Variants in LARGE1 observed in about 807,000 individuals in gnomAD.
LARGE1 encodes xylosyl- and glucuronyltransferase LARGE1.
A neutral mutation model predicts 87.6 loss-of-function variants in LARGE1; 43 were observed. The ratio of observed to expected loss-of-function variants is 0.49; its 90% confidence interval spans 0.38 to 0.63. The LOEUF (loss-of-function observed/expected upper bound fraction) is 0.63. Among genes scored for constraint, LARGE1 ranks in the 30% least tolerant of loss-of-function variants. LARGE1 has a pLI of 0.00. For missense variants in LARGE1, 802 were observed against 1,000.2 expected, an observed-to-expected ratio of 0.80 and a Z score of 2.67; for synonymous variants, 434 against 394.6, an observed-to-expected ratio of 1.10 and a Z score of -1.18.
At chr22:33,094,478 C>T in the LARGE1 span, among the ~76,000 whole-genome samples, 5 of 152,204 alleles carry the variant, frequency 3.3e-5, no homozygotes, top group African/African-American at 1.2e-4. Context: ...CCCTTAGCTA[C>T]AGCCTTTCAA....
chr22:33,823,364 C>G (rs982846864), intron 1 of LARGE1, among the ~76,000 whole-genome samples: 1 of 152,196 alleles, frequency 6.6e-6, no homozygotes, highest in African/African-American at 2.4e-5. Flanking sequence ...AGGACAGAAG[C>G]CTTATGTTTT....
the LARGE1 span, among the ~76,000 whole-genome samples, chr22:33,139,848 T>G: frequency 6.6e-6 from 1 of 152,186 alleles, no homozygotes. Context: ...GAAATGACCT[T>G]TGTTTGTGGT....
intron 7 of LARGE1, among the ~76,000 whole-genome samples, chr22:33,404,801 G>T (rs866964944): frequency 6.6e-6 from 1 of 152,176 alleles, no homozygotes; most frequent in Non-Finnish European, 1.5e-5. Context: ...AGGGGGAAGG[G>T]GGTTGGAGCC....
the LARGE1 span, among the ~76,000 whole-genome samples, chr22:33,067,958 C>T: frequency 2.0e-4 from 30 of 151,180 alleles, no homozygotes; most frequent in Middle Eastern, 6.8e-3. Context: ...CCAGCCCGGG[C>T]GACAATGCGA....
chr22:33,880,433 T>G (rs2064642409), intron 1 of LARGE1, among the ~76,000 whole-genome samples: 1 of 152,202 alleles, frequency 6.6e-6, no homozygotes. Flanking sequence ...AAACTGAGGC[T>G]TAATTGAGAA....
the LARGE1 span, among the ~76,000 whole-genome samples, chr22:33,111,655 G>T: frequency 1.3e-5 from 2 of 152,196 alleles, no homozygotes; most frequent in Non-Finnish European, 2.9e-5. Context: ...AAAGATCACA[G>T]TGTCGAGTCA....
chr22:33,068,280 ATTC>A, the LARGE1 span, among the ~76,000 whole-genome samples: 5 of 152,152 alleles, frequency 3.3e-5, no homozygotes, highest in Non-Finnish European at 5.9e-5. Flanking sequence ...TGAAATGGAA[ATTC>A]TTCTTCTTTC....
intron 6 of LARGE1, among the ~76,000 whole-genome samples, chr22:33,501,920 T>C (rs573374996): frequency 6.6e-6 from 1 of 152,236 alleles, no homozygotes; most frequent in South Asian, 2.1e-4. Flanking sequence ...TGGGTGGGCA[T>C]GATGGCTCAC....
At chr22:33,566,994 C>T (rs559502714) in intron 5 of LARGE1, among the ~76,000 whole-genome samples, 1 of 152,310 alleles carries the variant, frequency 6.6e-6, no homozygotes, top group East Asian at 1.9e-4. Flanking sequence ...TACACCCAGG[C>T]ATCATGGAGG....
rs1272637316 is a variant in LARGE1, at chr22:33,451,927, G to T, written c.788-19662C>A. The stretch of plus-strand genomic sequence containing the variant: ...CCACTTATCAGTGACAACATACAAC[G>T]TTTGGTTTTCCACTCTTGAGTTACT... On this transcript the variant is annotated intron_variant, in intron 6 of 14. Transcript: ENST00000397394. 3.3e-5 allele frequency among the ~76,000 whole-genome samples: 5 copies of T among 152,142 alleles called. No individual in the cohort carries two copies. In the South Asian group the frequency reaches 1.0e-3, roughly 31 times the overall value.
intron 7 of LARGE1, among the ~76,000 whole-genome samples, chr22:33,390,733 A>G (rs1161191511): frequency 6.9e-6 from 1 of 144,228 alleles, no homozygotes; most frequent in African/African-American, 2.6e-5. Context: ...TCTGCTGCCC[A>G]GGCTGGAGTG....
At chr22:33,776,620 GGAC>G (rs2085247207) in intron 1 of LARGE1, among the ~76,000 whole-genome samples, 1 of 152,098 alleles carries the variant, frequency 6.6e-6, no homozygotes, top group South Asian at 2.1e-4. Context: ...TTCTGGAAAC[GGAC>G]GACGTAAGCA....
the LARGE1 span, among the ~76,000 whole-genome samples, chr22:33,070,581 G>A: frequency 6.6e-6 from 1 of 152,170 alleles, no homozygotes; most frequent in Non-Finnish European, 1.5e-5. Flanking sequence ...TAATACAACA[G>A]AGATAAACAA....
chr22:33,418,163 G>A (rs1046734029), intron 7 of LARGE1, among the ~76,000 whole-genome samples: 3 of 152,112 alleles, frequency 2.0e-5, no homozygotes, highest in Non-Finnish European at 4.4e-5. Context: ...TAGCCAGGAT[G>A]GTCTCAATCT....
intron 1 of LARGE1, among the ~76,000 whole-genome samples, chr22:33,874,735 C>T (rs759143574): frequency 1.6e-4 from 24 of 152,256 alleles, no homozygotes; most frequent in Non-Finnish European, 8.8e-5. Context: ...CTTAGCCTGT[C>T]TGTGCCTCGG....
At chr22:33,324,228 CAAAAAAAAA>C (rs1161508287) in intron 10 of LARGE1, among the ~76,000 whole-genome samples, 1 of 10,738 alleles carries the variant, frequency 9.3e-5, no homozygotes, top group East Asian at 4.9e-3. Context: ...GACTCCATCT[CAAAAAAAAA>C]AAAAAAAAAA....
At chr22:33,360,796 G>A (rs1484964284) in intron 9 of LARGE1, among the ~76,000 whole-genome samples, 3 of 149,784 alleles carry the variant, frequency 2.0e-5, no homozygotes, top group Middle Eastern at 3.5e-3. Context: ...CCAGCCCACC[G>A]CCACTGGGCT....
chr22:33,125,994 C>T, the LARGE1 span, among the ~76,000 whole-genome samples: 12 of 152,268 alleles, frequency 7.9e-5, no homozygotes, highest in Middle Eastern at 3.4e-3. Context: ...ACAATCCACC[C>T]GACTCAGCCT....
the LARGE1 span, among the ~76,000 whole-genome samples, chr22:33,149,342 T>C: frequency 6.6e-6 from 1 of 152,154 alleles, no homozygotes. Context: ...GCACCTGGCC[T>C]GTTTTCTTAA....
Sources: gnomAD v4.1 joint callset for allele counts (sites outside exome capture counted in the v4.1 genomes callset) on GRCh38, gnomAD v4.1.1 for gene constraint, MANE v1.5 for transcripts, NCBI Gene and HGNC (gene_info 2026-07-23, HGNC 2026-07-21) for gene names.